Variants in ZMIZ1 observed in about 807,000 individuals in gnomAD.
ZMIZ1 encodes the protein zinc finger MIZ-type containing 1.
Under a neutral mutation model 113.9 loss-of-function variants are expected in ZMIZ1, and 17 were observed. That is an observed-to-expected ratio of 0.15 (90% CI 0.10 to 0.22). The LOEUF (loss-of-function observed/expected upper bound fraction) is 0.22. ZMIZ1 is among the 10% of genes least tolerant of loss of function. ZMIZ1 has a pLI of 1.00. For missense variants in ZMIZ1, 1,059 were observed against 1,477.8 expected (o/e 0.72, Z 4.65); for synonymous variants, 607 against 603.1 (o/e 1.01, Z -0.09).
intron 5 of ZMIZ1, among the ~76,000 whole-genome samples, chr10:79,203,293 A>C (rs1466896532): frequency 6.6e-6 from 1 of 152,194 alleles, no homozygotes; most frequent in Non-Finnish European, 1.5e-5. Context: ...GGAATCTTAA[A>C]GTCTATGCAG....
chr10:79,165,948 C>CTGTG (rs1174980856), intron 4 of ZMIZ1, among the ~76,000 whole-genome samples: 647 of 59,766 alleles, frequency 0.011, 15 homozygotes, highest in East Asian at 0.025. Flanking sequence ...CCCAGCTCAG[C>CTGTG]TGTGTGTGTG....
chr10:79,218,584 G>GGGGT (rs1554818328), intron 7 of ZMIZ1, among the ~76,000 whole-genome samples: 1 of 147,792 alleles, frequency 6.8e-6, no homozygotes, highest in African/African-American at 2.6e-5. Context: ...TAATTAGAGG[G>GGGGT]GTGTGTGTGT....
intron 1 of ZMIZ1, among the ~76,000 whole-genome samples, chr10:79,085,438 A>G (rs867691306): frequency 2.6e-5 from 4 of 152,336 alleles, no homozygotes; most frequent in African/African-American, 7.2e-5. Flanking sequence ...CAGAGGCCTC[A>G]GCCCGCATAA....
intron 1 of ZMIZ1, among the ~76,000 whole-genome samples, chr10:79,072,274 G>T (rs551929605): frequency 6.6e-6 from 1 of 152,128 alleles, no homozygotes; most frequent in Admixed American, 6.5e-5. Flanking sequence ...ACGCACGCGC[G>T]CACGCACACT....
chr10:79,073,090 C>G (rs1266439210), intron 1 of ZMIZ1, among the ~76,000 whole-genome samples: 2 of 152,166 alleles, frequency 1.3e-5, no homozygotes, highest in Non-Finnish European at 2.9e-5. Flanking sequence ...GAGGGTCTCC[C>G]TATTACCGGA....
chr10:79,129,753 AG>A (rs2132365822), intron 2 of ZMIZ1, among the ~76,000 whole-genome samples: 1 of 152,316 alleles, frequency 6.6e-6, no homozygotes, highest in Admixed American at 6.5e-5. Context: ...TCCTTGAAAG[AG>A]GGAGGGCAGA....
chr10:79,221,285 T>C (rs1848958160), intron 7 of ZMIZ1, among the ~76,000 whole-genome samples: 3 of 151,852 alleles, frequency 2.0e-5, no homozygotes, highest in African/African-American at 7.2e-5. Flanking sequence ...TGTGTGTGCG[T>C]GTGTGTGTCC....
rs140716487 is a variant in ZMIZ1, at chr10:79,232,734, G to C, written c.280+16460G>C. On this transcript the variant is annotated intron_variant, in intron 7 of 24. Coordinates refer to ENST00000334512, the MANE Select transcript of ZMIZ1 (RefSeq NM_020338.4). ...TTAGATGCTAGGCAAAATACTGCAT[G>C]CACATCCTCTCCTTTCAGCTTTACG... 7.6e-3 allele frequency among the ~76,000 whole-genome samples: 1,154 copies of C among 152,282 alleles called. 10 individuals carry two copies. Among genetic ancestry groups the C allele is most frequent in the African/African-American group, 0.026 (1,095 of 41,546 alleles).
chr10:79,116,728 C>G (rs1844049909), intron 1 of ZMIZ1, among the ~76,000 whole-genome samples: 1 of 152,180 alleles, frequency 6.6e-6, no homozygotes, highest in Admixed American at 6.5e-5. Context: ...ACATTTGTAG[C>G]TTGACAAATT....
intron 7 of ZMIZ1, among the ~76,000 whole-genome samples, chr10:79,251,280 C>A (rs1269327257): frequency 6.6e-6 from 1 of 152,134 alleles, no homozygotes; most frequent in African/African-American, 2.4e-5. Context: ...TCTGTAGAAC[C>A]GGAGACTAGT....
chr10:79,197,808 G>A (rs1847906824), intron 4 of ZMIZ1, among the ~76,000 whole-genome samples: 1 of 151,750 alleles, frequency 6.6e-6, no homozygotes, highest in African/African-American at 2.4e-5. Flanking sequence ...TGCTGTGCCT[G>A]GACCAGTACC....
At chr10:79,124,547 C>T (rs11813410) in intron 2 of ZMIZ1, among the ~76,000 whole-genome samples, 1,911 of 152,302 alleles carry the variant, frequency 0.013, 36 homozygotes, top group African/African-American at 0.043. Flanking sequence ...GCTCCTGCAC[C>T]GTGCTAGGCC....
intron 8 of ZMIZ1, among the ~76,000 whole-genome samples, chr10:79,288,500 A>G (rs948004948): frequency 4.4e-4 from 67 of 151,644 alleles, no homozygotes; most frequent in Non-Finnish European, 3.2e-4. Context: ...CCTTCTCCCA[A>G]TTTCCCTCCC....
At position 79,175,583 on chromosome 10, in the gene ZMIZ1, C is replaced by CGCGTGT. The variant is rs1406237695; in HGVS notation, c.-50+13451_-50+13452insCGTGTG. Among the ~76,000 whole-genome samples, 37 of 125,384 alleles carry CGCGTGT rather than the reference C, an allele frequency of 3.0e-4. 1 individual carries two copies. Among genetic ancestry groups the CGCGTGT allele is most frequent in the Admixed American group, 2.8e-3 (37 of 13,012 alleles). 82.3% of individuals were successfully genotyped at this position (125,384 alleles called of 152,430 possible). ...GGACTTCTCTAATCTGTGCACTCTG[C>CGCGTGT]GTGTGTGTGTGTGTGTGTGTGTGTG... On this transcript the variant is annotated intron_variant, in intron 4 of 24. Coordinates refer to ENST00000334512, the MANE Select transcript of ZMIZ1 (RefSeq NM_020338.4).
chr10:79,119,846 G>T (rs1844208877), intron 2 of ZMIZ1, among the ~76,000 whole-genome samples: 2 of 152,128 alleles, frequency 1.3e-5, no homozygotes. Flanking sequence ...GTGTAGGCTG[G>T]ATAAGGCTTT....
chr10:79,241,720 C>A (rs776614404), intron 7 of ZMIZ1, among the ~76,000 whole-genome samples: 1 of 152,112 alleles, frequency 6.6e-6, no homozygotes, highest in African/African-American at 2.4e-5. Context: ...AAACAAGGAG[C>A]AAGAACATTA....
chr10:79,289,675 C>A, intron 8 of ZMIZ1, 100 bp from the exon 9 acceptor site: 2 of 1,122,374 alleles, frequency 1.8e-6, no homozygotes, highest in Non-Finnish European at 2.6e-6. Context: ...TTACCTTGGA[C>A]TGACTGGGAG....
chr10:79,097,110 C>T (rs1206336034), intron 1 of ZMIZ1, among the ~76,000 whole-genome samples: 5 of 152,206 alleles, frequency 3.3e-5, no homozygotes, highest in Non-Finnish European at 5.9e-5. Context: ...GCCCCCGGGT[C>T]GCCAGCAGTG....
At chr10:79,275,598 C>T (rs909303675) in intron 7 of ZMIZ1, among the ~76,000 whole-genome samples, 2 of 152,210 alleles carry the variant, frequency 1.3e-5, no homozygotes, top group East Asian at 1.9e-4. Context: ...CCACCAGTGC[C>T]GGCCAAACGT....
Sources: gnomAD v4.1 joint callset for allele counts (sites outside exome capture counted in the v4.1 genomes callset) on GRCh38, gnomAD v4.1.1 for gene constraint, MANE v1.5 for transcripts, NCBI Gene and HGNC (gene_info 2026-07-23, HGNC 2026-07-21) for gene names.